The following PSTPIP1 variants were observed in gnomAD, a reference collection of about 807,000 sequenced individuals.
The protein encoded by PSTPIP1 is proline-serine-threonine phosphatase-interacting protein 1.
PSTPIP1 carries 66 observed loss-of-function variants against 69.6 expected under a neutral mutation model. The ratio of observed to expected loss-of-function variants is 0.95; its 90% CI spans 0.78 to 1.16. The LOEUF (loss-of-function observed/expected upper bound fraction) is 1.16, where lower values mean the gene tolerates loss of function less well. Among genes scored for constraint, PSTPIP1 ranks in the 50% most tolerant of loss-of-function variants. The pLI, the probability that PSTPIP1 is intolerant of heterozygous loss-of-function variation, is 0.00. For synonymous variants in PSTPIP1, 266 were observed against 222.7 expected, an observed-to-expected ratio of 1.19 and a Z score of -1.73; for missense variants, 603 against 557.4, an observed-to-expected ratio of 1.08 and a Z score of -0.82.
intron 10 of PSTPIP1, 29 bp downstream of exon 10, chr15:77,031,307 A>G (rs2076411316): frequency 6.2e-7 from 1 of 1,603,586 alleles, no homozygotes; most frequent in African/African-American, 1.3e-5. Context: ...GGTGTGGGGT[A>G]AGGTAGGGCA....
chr15:77,036,389 T>A (rs551658974), intron 14 of PSTPIP1, among the ~76,000 whole-genome samples: 13 of 152,252 alleles, frequency 8.5e-5, no homozygotes, highest in African/African-American at 2.6e-4. Flanking sequence ...TTCGTGGCCA[T>A]GGGTGTGGAA....
intron 14 of PSTPIP1, 71 bp from the exon 15 acceptor site, chr15:77,036,974 G>A (rs190173070): frequency 2.2e-5 from 35 of 1,568,942 alleles, no homozygotes; most frequent in South Asian, 5.7e-5. Context: ...GTGGGGGAAC[G>A]CCAGGCCCCT....
At chr15:77,033,000 T>C in intron 12 of PSTPIP1, 48 bp downstream of exon 12, 5 of 1,538,976 alleles carry the variant, frequency 3.2e-6, no homozygotes, top group Non-Finnish European at 4.4e-6. Flanking sequence ...GGCCAGGAAG[T>C]GGGTCGAGCC....
At chr15:77,033,263 G>A (rs1463467885) in intron 12 of PSTPIP1, among the ~76,000 whole-genome samples, 2 of 152,204 alleles carry the variant, frequency 1.3e-5, no homozygotes, top group African/African-American at 4.8e-5. Context: ...CTGGTGCCCT[G>A]TCAGGCTGCA....
At position 77,035,712 on chromosome 15, in the gene PSTPIP1, G is replaced by A; in HGVS notation, c.986-90G>A. 6 of 1,497,622 alleles carry A rather than the reference G, an allele frequency of 4.0e-6. 1 individual carries two copies. In the South Asian group the frequency reaches 7.5e-5, roughly 19 times the overall value. The allele number at this position is 1,497,622 out of a possible 1,614,324, so 92.8% of individuals were successfully genotyped here. A position where few individuals can be genotyped will look rare whatever the true frequency, so the allele number is the denominator to read the frequency against. ...TGTGGACAGCAGAAGGAAGAGGCAGGGCCCAGCATGGAGAAACCCCATTCT... is the reference window on the plus strand; with the variant it reads ...TGTGGACAGCAGAAGGAAGAGGCAGAGCCCAGCATGGAGAAACCCCATTCT... On this transcript the variant is annotated intron_variant, in intron 13 of 14. Transcript: ENST00000558012.
At chr15:77,031,337 C>G (rs1300257871) in intron 10 of PSTPIP1, 59 bp downstream of exon 10, 1 of 1,548,402 alleles carries the variant, frequency 6.5e-7, no homozygotes, top group Non-Finnish European at 8.9e-7. Context: ...CAGCAAAGCA[C>G]CCAGGTCCAT....
At chr15:77,030,926 C>A (rs188176145) in intron 9 of PSTPIP1, among the ~76,000 whole-genome samples, 2 of 152,254 alleles carry the variant, frequency 1.3e-5, no homozygotes, top group East Asian at 3.8e-4. Flanking sequence ...CCTCTCACTA[C>A]CCTTCTGCCT....
At position 77,032,303 on chromosome 15, in the gene PSTPIP1, C is replaced by A; in HGVS notation, c.747C>A (p.Tyr249Ter). 3 of 1,612,428 alleles carry A rather than the reference C, an allele frequency of 1.9e-6. No homozygotes were observed. Among genetic ancestry groups the A allele is most frequent in the East Asian group, 2.2e-5 (1 of 44,884 alleles). ...SMQCVKDDEL[Y>*]EEVRLTLEGC... The stretch of plus-strand genomic sequence containing the variant: ...TCTGCTCTTTCCTGCCCCAGCTCTA[C>A]GAGGAAGTGCGGCTGACGCTGGAAG... The change falls in exon 11 of 15, where the codon TAC (tyrosine) becomes TAA (stop). Residue 249 changes from tyrosine to a stop codon, truncating the protein, a stop_gained. Transcript: ENST00000558012. LOFTEE classifies it high-confidence loss of function.
At chr15:77,001,839 A>G (rs2075715284) in intron 1 of PSTPIP1, among the ~76,000 whole-genome samples, 1 of 152,238 alleles carries the variant, frequency 6.6e-6, no homozygotes, top group South Asian at 2.1e-4. Flanking sequence ...GGAGCTAATT[A>G]AAGTGGTTGC....
At chr15:76,994,712 G>GC (rs2075537460), upstream of PSTPIP1, 1 of 1,275,160 alleles carries the variant, frequency 7.8e-7, no homozygotes, top group Admixed American at 2.3e-5. Context: ...GCCCCCCAGA[G>GC]CACAGCTGTG....
At chr15:77,003,678 G>A (rs1200543063) in intron 1 of PSTPIP1, among the ~76,000 whole-genome samples, 1 of 151,762 alleles carries the variant, frequency 6.6e-6, no homozygotes, top group Non-Finnish European at 1.5e-5. Flanking sequence ...AGAAGAAGAA[G>A]GAAGCGGGCT....
chr15:77,034,166 A>G (rs950846397), intron 12 of PSTPIP1, among the ~76,000 whole-genome samples: 2 of 149,260 alleles, frequency 1.3e-5, no homozygotes, highest in Admixed American at 1.3e-4. Flanking sequence ...AGTGACTGGG[A>G]GTCAGAAGTG....
chr15:77,036,014 G>A (rs902380905), intron 14 of PSTPIP1, 79 bp downstream of exon 14: 69 of 1,459,994 alleles, frequency 4.7e-5, no homozygotes, highest in East Asian at 2.5e-4. Flanking sequence ...AGTGCCTTGC[G>A]TCCTCATCTC....
rs2076310521 is a variant in PSTPIP1, at chr15:77,027,643, G to A, written c.355-209G>A. On this transcript the variant is annotated intron_variant, in intron 5 of 14. Transcript: ENST00000558012. This position sits in a 1 kb window ranked among gnomAD's most constrained non-coding sequence, Gnocchi z 4.3. ...CCAAGGTCTGCAGCAAGGACCTCAC[G>A]GCACACCCATGCCCTGTGATTCTCT... 5 of 631,534 alleles carry A rather than the reference G, an allele frequency of 7.9e-6. No homozygotes were observed. Among genetic ancestry groups the A allele is most frequent in the Middle Eastern group, 2.5e-4 (1 of 4,028 alleles). 39.1% of individuals were successfully genotyped at this position (631,534 alleles called of 1,614,324 possible).
At chr15:77,010,127 C>T (rs950354479) in intron 1 of PSTPIP1, among the ~76,000 whole-genome samples, 3 of 152,226 alleles carry the variant, frequency 2.0e-5, no homozygotes, top group Admixed American at 1.3e-4. Context: ...CTCCCTTCCT[C>T]ACTTGCCCTC....
At chr15:77,015,220 C>T (rs1419081192) in intron 1 of PSTPIP1, among the ~76,000 whole-genome samples, 1 of 152,078 alleles carries the variant, frequency 6.6e-6, no homozygotes, top group Non-Finnish European at 1.5e-5. Flanking sequence ...TTGGATGTTC[C>T]AAAATAGAAA....
At chr15:77,033,787 A>G (rs1420022861) in intron 12 of PSTPIP1, among the ~76,000 whole-genome samples, 3 of 148,736 alleles carry the variant, frequency 2.0e-5, no homozygotes, top group Admixed American at 2.0e-4. Context: ...CCTGGGAGGC[A>G]GAGGCTCGTG....
rs374045846 is a variant in PSTPIP1 at position 76,997,884 on chromosome 15, C to A, written c.36+2275C>A. On this transcript the variant is annotated intron_variant, in intron 1 of 14. Coordinates refer to ENST00000558012, the MANE Select transcript of PSTPIP1 (RefSeq NM_003978.5). ...CTTGGCCCATGTCTGGGCCTTCCCC[C>A]ACCCCAGCCCAAGGCACTGTCATTA... Among the ~76,000 whole-genome samples, 6 of 152,332 alleles carry A rather than the reference C, an allele frequency of 3.9e-5. No individual in the cohort carries two copies. In the East Asian group the frequency reaches 7.7e-4, roughly 20 times the overall value.
chr15:77,004,805 A>G (rs1009345606), intron 1 of PSTPIP1, among the ~76,000 whole-genome samples: 4 of 151,994 alleles, frequency 2.6e-5, no homozygotes, highest in African/African-American at 9.7e-5. Flanking sequence ...AACTGTAGTG[A>G]CTGTATGATC....
Sources: gnomAD v4.1 joint callset for allele counts (sites outside exome capture counted in the v4.1 genomes callset) on GRCh38, gnomAD v4.1.1 for gene constraint, Gnocchi (gnomAD v3.1) non-coding constraint, MANE v1.5 for transcripts, NCBI Gene and HGNC (gene_info 2026-07-23, HGNC 2026-07-21) for gene names.